TOP1: variants seen among roughly 807,000 people sequenced by gnomAD.
The protein encoded by TOP1 is DNA topoisomerase I.
Under a neutral mutation model 111.1 loss-of-function variants are expected in TOP1, and 10 were observed. That is an observed-to-expected ratio of 0.09 (90% CI 0.06 to 0.15). The LOEUF (loss-of-function observed/expected upper bound fraction) is 0.15, where lower values mean the gene tolerates loss of function less well. Ranked by LOEUF, TOP1 falls within the 10% of genes least tolerant of loss-of-function variation. The probability of loss-of-function intolerance (pLI) is 1.00; values close to 1 mark genes in which losing one functional copy is unlikely to be tolerated. For missense variants in TOP1, 474 were observed against 926.7 expected, an observed-to-expected ratio of 0.51 and a Z score of 6.34; for synonymous variants, 271 against 302.9, an observed-to-expected ratio of 0.89 and a Z score of 1.10.
At chr20:41,057,070 A>C (rs2033482164) in intron 2 of TOP1, among the ~76,000 whole-genome samples, 1 of 152,094 alleles carries the variant, frequency 6.6e-6, no homozygotes, top group Admixed American at 6.6e-5. Flanking sequence ...GTTCGAGACC[A>C]GCCTCGGCAA....
At chr20:41,052,951 C>T (rs893526381) in intron 2 of TOP1, among the ~76,000 whole-genome samples, 1 of 152,174 alleles carries the variant, frequency 6.6e-6, no homozygotes, top group Non-Finnish European at 1.5e-5. Context: ...GATTGCACCA[C>T]TGCACTCCAG....
intron 13 of TOP1, among the ~76,000 whole-genome samples, chr20:41,107,345 G>A (rs2034162478): frequency 6.6e-6 from 1 of 152,036 alleles, no homozygotes; most frequent in Non-Finnish European, 1.5e-5. Flanking sequence ...GATGAGTGTT[G>A]ACACTTTTCA....
intron 7 of TOP1, among the ~76,000 whole-genome samples, chr20:41,081,514 C>G (rs1191954497): frequency 6.6e-6 from 1 of 152,102 alleles, no homozygotes; most frequent in Non-Finnish European, 1.5e-5. Context: ...AGATGTTCTT[C>G]CAAAAACTAT....
At chr20:41,075,939 A>T (rs541743534) in intron 3 of TOP1, among the ~76,000 whole-genome samples, 9 of 152,098 alleles carry the variant, frequency 5.9e-5, no homozygotes, top group Admixed American at 2.0e-4. Flanking sequence ...TAGTCACTTT[A>T]AAAAAAATGT....
intron 3 of TOP1, among the ~76,000 whole-genome samples, chr20:41,066,553 TTTTC>T (rs1214761675): frequency 2.1e-5 from 3 of 140,768 alleles, no homozygotes; most frequent in Non-Finnish European, 4.6e-5. Flanking sequence ...GCCTCTTTTC[TTTTC>T]TTTTTTTTTT....
At chr20:41,049,132 T>C (rs866383581) in intron 2 of TOP1, among the ~76,000 whole-genome samples, 1 of 152,212 alleles carries the variant, frequency 6.6e-6, no homozygotes, top group East Asian at 1.9e-4. Context: ...ATAGCCTCCT[T>C]CTTGTGTGTC....
At chr20:41,074,040 A>G in intron 3 of TOP1, among the ~76,000 whole-genome samples, 1 of 152,236 alleles carries the variant, frequency 6.6e-6, no homozygotes, top group East Asian at 1.9e-4. Context: ...CTGGTAGTAT[A>G]AAAACCAAGT....
At chr20:41,041,884 GGGT>G (rs1446989337) in intron 2 of TOP1, among the ~76,000 whole-genome samples, 269 of 124,994 alleles carry the variant, frequency 2.2e-3, no homozygotes, top group African/African-American at 0.01. Flanking sequence ...AAAGCTTACA[GGGT>G]GATGATGATG....
At chr20:41,053,065 T>C (rs866866508) in intron 2 of TOP1, among the ~76,000 whole-genome samples, 4 of 152,190 alleles carry the variant, frequency 2.6e-5, no homozygotes, top group Non-Finnish European at 5.9e-5. Context: ...ATTTTATTTT[T>C]TAATATGCTC....
At chr20:41,056,978 T>G (rs999382987) in intron 2 of TOP1, among the ~76,000 whole-genome samples, 6 of 151,418 alleles carry the variant, frequency 4.0e-5, no homozygotes, top group African/African-American at 1.5e-4. Flanking sequence ...AAAAAAAATG[T>G]GGCCGGGCGC....
intron 2 of TOP1, among the ~76,000 whole-genome samples, chr20:41,041,268 C>T (rs1478775187): frequency 1.3e-5 from 2 of 151,584 alleles, no homozygotes; most frequent in Admixed American, 6.6e-5. Context: ...GGCAACATGT[C>T]GGGACCCCGT....
At chr20:41,040,310 C>T (rs556833387) in intron 2 of TOP1, among the ~76,000 whole-genome samples, 6 of 152,300 alleles carry the variant, frequency 3.9e-5, no homozygotes, top group Non-Finnish European at 5.9e-5. Context: ...AAATGTTAGA[C>T]TTACTGTGCC....
chr20:41,119,316 ACT>A (rs2034384120), intron 18 of TOP1, among the ~76,000 whole-genome samples: 2 of 152,252 alleles, frequency 1.3e-5, no homozygotes, highest in Non-Finnish European at 2.9e-5. Context: ...AAGAAGAAAT[ACT>A]AAATTTCAGC....
rs765645166 is a variant in TOP1 at position 41,097,365 on chromosome 20, T to TCCTA, written c.852+25_852+28dup. 4 of 1,576,626 alleles carry TCCTA rather than the reference T, an allele frequency of 2.5e-6. No individual in the cohort carries two copies. The African/African-American group carries it at 5.5e-5, about 22-fold the overall frequency. ...AGGTACTGTAGCCCATGTGTTAATA[T>TCCTA]CCTAGTACCTTGCAAAACAATCAAG... is the stretch of plus-strand genomic sequence containing the variant. On this transcript the variant is annotated intron_variant, in intron 10 of 20. Transcript: ENST00000361337. The surrounding 1 kb of genome is among the most constrained non-coding windows in gnomAD (Gnocchi z 4.2).
In TOP1 at chr20:41,100,027, A is replaced by G. The variant is rs775423106; in HGVS notation, c.976-29A>G. 7.8e-6 allele frequency: 12 copies of G among 1,538,682 alleles called. No individual in the cohort carries two copies. The highest frequency in any genetic ancestry group is 3.8e-4 in the Middle Eastern group (2 of 5,312). ...TAGTAGAGAACAGCAATCTGAATCT[A>G]TTTTGAGTACTTTCTTGCTGTCTTC... On this transcript the variant is annotated intron_variant, in intron 11 of 20. Coordinates refer to ENST00000361337, the MANE Select transcript of TOP1 (RefSeq NM_003286.4). This position sits in a 1 kb window ranked among gnomAD's most constrained non-coding sequence, Gnocchi z 4.4.
rs1249273243 is a variant in TOP1, at chr20:41,092,995, CAGTATT to C, written c.730+414_730+419del. 2.0e-5 allele frequency among the ~76,000 whole-genome samples: 3 copies of C among 152,308 alleles called. No individual in the cohort carries two copies. Among genetic ancestry groups the C allele is most frequent in the Middle Eastern group, 3.4e-3 (1 of 294 alleles). On this transcript the variant is annotated intron_variant, in intron 9 of 20. Transcript: ENST00000361337. This position sits in a 1 kb window ranked among gnomAD's most constrained non-coding sequence, Gnocchi z 4.3. ...CGGACAAGCTGCTCATCACTAGAAACAGTATTAGTATATGGTCGAGGATTAATAGTC... is the reference window on the plus strand; with the variant it reads ...CGGACAAGCTGCTCATCACTAGAAACAGTATATGGTCGAGGATTAATAGTC...
Position 41,106,002 on chromosome 20 carries a change from T to G in TOP1, c.1308+4649T>G. Among the ~76,000 whole-genome samples, 1 of 112,602 alleles carries G rather than the reference T, an allele frequency of 8.9e-6. No individual in the cohort carries two copies. Among genetic ancestry groups the G allele is most frequent in the South Asian group, 3.1e-4 (1 of 3,202 alleles). 73.9% of individuals were successfully genotyped at this position (112,602 alleles called of 152,430 possible). A position where few individuals can be genotyped will look rare whatever the true frequency, so the allele number is the denominator to read the frequency against. ...CCACCCCCACCCACAACAGTATTCC[T>G]CTTTTTCCATATCCTTGCTAATGTT... On this transcript the variant is annotated intron_variant, in intron 13 of 20. Transcript: ENST00000361337. This position sits in a 1 kb window ranked among gnomAD's most constrained non-coding sequence, Gnocchi z 4.3.
Position 41,067,356 on chromosome 20 carries a change from T to C in TOP1, c.155+5866T>C, listed in dbSNP as rs779049487. Among the ~76,000 whole-genome samples, 6 of 151,964 alleles carry C rather than the reference T, an allele frequency of 3.9e-5. No homozygotes were observed. Among genetic ancestry groups the C allele is most frequent in the Non-Finnish European group, 8.8e-5 (6 of 67,974 alleles). The stretch of plus-strand genomic sequence containing the variant: ...GGCTGGTCTCGAACTCCTGGCCTTG[T>C]GATCCTCCTGCCTCAGCCTCCCAAG... On this transcript the variant is annotated intron_variant, in intron 3 of 20. Coordinates refer to ENST00000361337, the MANE Select transcript of TOP1 (RefSeq NM_003286.4). This position sits in a 1 kb window ranked among gnomAD's most constrained non-coding sequence, Gnocchi z 4.0.
rs986371950 is a variant in TOP1 at position 41,083,637 on chromosome 20, T to A, written c.508-825T>A. On this transcript the variant is annotated intron_variant, in intron 7 of 20. Transcript: ENST00000361337. The surrounding 1 kb of genome is among the most constrained non-coding windows in gnomAD (Gnocchi z 7.2). ...GATTTTAAGATGGTTCAAAACCACC[T>A]TTCATTGCTATATAAAACTTGTTGA... Among the ~76,000 whole-genome samples, 6 of 152,224 alleles carry A rather than the reference T, an allele frequency of 3.9e-5. No individual in the cohort carries two copies. The highest frequency in any genetic ancestry group is 1.4e-4 in the African/African-American group (6 of 41,462).
Sources: gnomAD v4.1 joint callset for allele counts (sites outside exome capture counted in the v4.1 genomes callset) on GRCh38, gnomAD v4.1.1 for gene constraint, Gnocchi (gnomAD v3.1) non-coding constraint, MANE v1.5 for transcripts, NCBI Gene and HGNC (gene_info 2026-07-23, HGNC 2026-07-21) for gene names.